The following NRG3 variants were observed in gnomAD, a reference collection of about 807,000 sequenced individuals.
The protein encoded by NRG3 is neuregulin 3.
In NRG3, 31 loss-of-function variants were observed where a neutral mutation model predicts 66.9. That is an observed-to-expected ratio of 0.46 (90% confidence interval 0.35 to 0.63). The LOEUF is 0.63. Ranked by LOEUF, NRG3 falls within the 20% of genes least tolerant of loss-of-function variation. The pLI is 0.00. For missense variants in NRG3, 910 were observed against 878.9 expected (o/e 1.04, Z -0.45); for synonymous variants, 393 against 359.4 (o/e 1.09, Z -1.06).
chr10:82,261,037 T>C (rs910952282), intron 1 of NRG3, among the ~76,000 whole-genome samples: 2 of 152,166 alleles, frequency 1.3e-5, no homozygotes, highest in Non-Finnish European at 2.9e-5. Flanking sequence ...GTTCTCTCTC[T>C]TGCAGTTCAC....
intron 3 of NRG3, among the ~76,000 whole-genome samples, chr10:82,774,180 A>G (rs1325496742): frequency 6.6e-6 from 1 of 152,128 alleles, no homozygotes; most frequent in East Asian, 1.9e-4. Context: ...TAGTTTTGCT[A>G]GTGTTTTATT....
At chr10:82,271,634 T>C (rs2078602947) in intron 1 of NRG3, among the ~76,000 whole-genome samples, 1 of 152,090 alleles carries the variant, frequency 6.6e-6, no homozygotes, top group African/African-American at 2.4e-5. Flanking sequence ...TGATTGGAAC[T>C]GTGTAAGCAA....
intron 1 of NRG3, among the ~76,000 whole-genome samples, chr10:82,078,238 G>A (rs2065200204): frequency 6.6e-6 from 1 of 152,114 alleles, no homozygotes; most frequent in African/African-American, 2.4e-5. Flanking sequence ...CCTAATAGGT[G>A]GTTTTCCAGT....
intron 2 of NRG3, among the ~76,000 whole-genome samples, chr10:82,677,524 C>G (rs897394109): frequency 6.6e-6 from 1 of 152,148 alleles, no homozygotes; most frequent in Non-Finnish European, 1.5e-5. Context: ...TCATCTTTCT[C>G]TGGCTTTTCT....
intron 1 of NRG3, among the ~76,000 whole-genome samples, chr10:82,159,989 C>T (rs1341914678): frequency 6.6e-6 from 1 of 151,836 alleles, no homozygotes; most frequent in African/African-American, 2.4e-5. Flanking sequence ...AATAAAGAAA[C>T]ATCTTGAGCT....
chr10:82,489,982 C>G (rs1272020069), intron 2 of NRG3, among the ~76,000 whole-genome samples: 1 of 152,082 alleles, frequency 6.6e-6, no homozygotes, highest in East Asian at 1.9e-4. Flanking sequence ...ATAGGGAAGC[C>G]AAGGCACAGA....
rs572441585 is a variant in NRG3, at chr10:82,461,061, G to A, written c.953+102193G>A. Among the ~76,000 whole-genome samples the A allele has an allele frequency of 3.9e-4, 58 of 150,498 alleles. No homozygotes were observed. The East Asian group carries it at 8.1e-3, about 21-fold the overall frequency. ...ACTGCTACCACCGTCAACAATATCA[G>A]CACTACCGCCACCATCAACAATACT... On this transcript the variant is annotated intron_variant, in intron 2 of 8. Transcript: ENST00000372141.
chr10:82,383,376 T>A (rs531379497), intron 2 of NRG3, among the ~76,000 whole-genome samples: 1 of 152,112 alleles, frequency 6.6e-6, no homozygotes, highest in Non-Finnish European at 1.5e-5. Flanking sequence ...ATTCCATGAA[T>A]TCATACCTAA....
chr10:82,172,369 C>A (rs1335251609), intron 1 of NRG3, among the ~76,000 whole-genome samples: 1 of 152,022 alleles, frequency 6.6e-6, no homozygotes, highest in Non-Finnish European at 1.5e-5. Context: ...AAAATTTATA[C>A]CCAAGAATAT....
At chr10:82,895,288 C>T (rs956325958) in intron 4 of NRG3, among the ~76,000 whole-genome samples, 5 of 152,158 alleles carry the variant, frequency 3.3e-5, no homozygotes, top group Non-Finnish European at 5.9e-5. Flanking sequence ...GCCCTTAGCA[C>T]TGTTCCCCAC....
intron 3 of NRG3, among the ~76,000 whole-genome samples, chr10:82,777,961 T>C (rs931763060): frequency 3.3e-5 from 5 of 152,162 alleles, no homozygotes; most frequent in Admixed American, 2.6e-4. Flanking sequence ...CTTGTACAGA[T>C]TCAGGGAAGC....
intron 1 of NRG3, among the ~76,000 whole-genome samples, chr10:82,053,364 A>C (rs1325093649): frequency 6.6e-6 from 1 of 152,172 alleles, no homozygotes; most frequent in African/African-American, 2.4e-5. Context: ...CCATGTAATC[A>C]TTCAGAGATC....
chr10:81,966,261 G>A (rs1246774804), intron 1 of NRG3, among the ~76,000 whole-genome samples: 3 of 150,536 alleles, frequency 2.0e-5, no homozygotes, highest in Non-Finnish European at 4.4e-5. Flanking sequence ...CTTTTAATAT[G>A]CTACTAAATT....
At chr10:82,857,375 TG>T (rs920457292) in intron 3 of NRG3, among the ~76,000 whole-genome samples, 4 of 152,144 alleles carry the variant, frequency 2.6e-5, no homozygotes, top group African/African-American at 9.7e-5. Flanking sequence ...GAAAGGAGAC[TG>T]GGGCTGTGTG....
chr10:81,955,897 G>A lies in NRG3; in HGVS notation c.823+79734G>A, dbSNP rs138112654. ...TCTCCAATTATGTGTAATAGACACCGTAAGCTTTTTATATCCAGAACAGAA... is the reference window on the plus strand; with the variant it reads ...TCTCCAATTATGTGTAATAGACACCATAAGCTTTTTATATCCAGAACAGAA... On this transcript the variant is annotated intron_variant, in intron 1 of 8. Coordinates refer to ENST00000372141, the MANE Select transcript of NRG3 (RefSeq NM_001010848.4). Among the ~76,000 whole-genome samples, 19 of 152,228 alleles carry A rather than the reference G, an allele frequency of 1.2e-4. No individual in the cohort carries two copies. In the East Asian group the frequency reaches 1.4e-3, roughly 11 times the overall value.
At chr10:82,219,988 A>G (rs557501846) in intron 1 of NRG3, among the ~76,000 whole-genome samples, 4 of 152,064 alleles carry the variant, frequency 2.6e-5, no homozygotes, top group Non-Finnish European at 4.4e-5. Context: ...GTATACACAC[A>G]CACATATACT....
intron 2 of NRG3, among the ~76,000 whole-genome samples, chr10:82,364,786 A>T (rs894694618): frequency 6.6e-6 from 1 of 152,222 alleles, no homozygotes; most frequent in Non-Finnish European, 1.5e-5. Flanking sequence ...TCGCTTGAAG[A>T]TACTTGAAGC....
intron 1 of NRG3, among the ~76,000 whole-genome samples, chr10:82,008,396 A>G (rs931831497): frequency 1.3e-5 from 2 of 152,240 alleles, no homozygotes; most frequent in African/African-American, 2.4e-5. Flanking sequence ...AATAGTGTTC[A>G]GTGAAAAGTG....
At chr10:82,856,893 G>A (rs2063840293) in intron 3 of NRG3, among the ~76,000 whole-genome samples, 1 of 152,216 alleles carries the variant, frequency 6.6e-6, no homozygotes, top group South Asian at 2.1e-4. Flanking sequence ...GAACTCTAGT[G>A]TATTCACCTG....
Sources: gnomAD v4.1 joint callset for allele counts (sites outside exome capture counted in the v4.1 genomes callset) on GRCh38, gnomAD v4.1.1 for gene constraint, MANE v1.5 for transcripts, NCBI Gene and HGNC (gene_info 2026-07-23, HGNC 2026-07-21) for gene names.